The following PTPRM variants were observed in gnomAD, a reference collection of about 807,000 sequenced individuals.
The protein encoded by PTPRM is protein tyrosine phosphatase receptor type M.
In PTPRM, 47 loss-of-function variants were observed where a neutral mutation model predicts 186.7. The ratio of observed to expected loss-of-function variants is 0.25; its 90% CI spans 0.20 to 0.32. The LOEUF is 0.32. Ranked by LOEUF, PTPRM falls within the 10% of genes least tolerant of loss-of-function variation. The pLI is 1.00. For missense variants in PTPRM, 1,494 were observed against 1,865.0 expected, an observed-to-expected ratio of 0.80 and a Z score of 3.66; for synonymous variants, 668 against 674.9, an observed-to-expected ratio of 0.99 and a Z score of 0.16.
chr18:8,303,982 T>C (rs2095190803), intron 20 of PTPRM, among the ~76,000 whole-genome samples: 2 of 152,152 alleles, frequency 1.3e-5, no homozygotes, highest in African/African-American at 2.4e-5. Context: ...TTTGCAGAAA[T>C]CAATTGTAAT....
chr18:7,994,471 C>T (rs960603346), intron 7 of PTPRM, among the ~76,000 whole-genome samples: 1 of 152,064 alleles, frequency 6.6e-6, no homozygotes, highest in Non-Finnish European at 1.5e-5. Flanking sequence ...CCCTACAGAC[C>T]ACATGGACCT....
chr18:8,244,284 C>CAAAA lies in PTPRM; in HGVS notation c.2452+85_2452+88dup, dbSNP rs71896963. 1,440 of 1,087,444 alleles carry CAAAA rather than the reference C, an allele frequency of 1.3e-3. 1 individual carries two copies. The highest frequency in any genetic ancestry group is 7.8e-3 in the African/African-American group (457 of 58,724). The allele number at this position is 1,087,444 out of a possible 1,614,324, so 67.4% of individuals were successfully genotyped here. The stretch of plus-strand genomic sequence containing the variant: ...GATTCCAGGTGGTACTAGGGGATTT[C>CAAAA]AAAAAAAAAAAAAGCTTCCTGAAGA... On this transcript the variant is annotated intron_variant, in intron 15 of 32. Coordinates refer to ENST00000580170, the MANE Select transcript of PTPRM (RefSeq NM_001105244.2).
intron 7 of PTPRM, among the ~76,000 whole-genome samples, chr18:7,992,138 T>TAA (rs1568146374): frequency 6.6e-6 from 1 of 152,108 alleles, no homozygotes; most frequent in Non-Finnish European, 1.5e-5. Flanking sequence ...GAGGGAGTTA[T>TAA]TATAACCTCA....
rs571177227 is a variant in PTPRM, at chr18:8,348,756, A to T, written c.3054+5236A>T. On this transcript the variant is annotated intron_variant, in intron 23 of 32. Transcript: ENST00000580170. The stretch of plus-strand genomic sequence containing the variant: ...CTTTTTACACCGGTAATTTAAGCTA[A>T]TTATTTCTAAACATATTTAGTCAGT... Among the ~76,000 whole-genome samples the T allele has an allele frequency of 1.1e-3, 160 of 152,326 alleles. 1 individual carries two copies. The Middle Eastern group carries it at 0.017, about 16-fold the overall frequency.
chr18:7,820,907 C>G (rs1452560748), intron 2 of PTPRM, among the ~76,000 whole-genome samples: 3 of 152,150 alleles, frequency 2.0e-5, no homozygotes, highest in Non-Finnish European at 2.9e-5. Flanking sequence ...AGCAGCAGGT[C>G]AAGGTCTACA....
chr18:8,231,207 C>A (rs571886241), intron 14 of PTPRM, among the ~76,000 whole-genome samples: 1 of 152,222 alleles, frequency 6.6e-6, no homozygotes, highest in Non-Finnish European at 1.5e-5. Context: ...ATGGCAGGGT[C>A]TATCACAGAG....
At chr18:7,913,577 A>G (rs968621870) in intron 4 of PTPRM, among the ~76,000 whole-genome samples, 20 of 152,248 alleles carry the variant, frequency 1.3e-4, no homozygotes, top group African/African-American at 4.8e-4. Context: ...CTATCAGATT[A>G]TTATGTGGTT....
At chr18:7,879,629 A>G (rs1379668748) in intron 2 of PTPRM, among the ~76,000 whole-genome samples, 5 of 152,206 alleles carry the variant, frequency 3.3e-5, no homozygotes, top group Non-Finnish European at 7.3e-5. Context: ...GTGAATCACT[A>G]AATTGACAAT....
chr18:7,644,555 A>T (rs566039815), intron 1 of PTPRM, among the ~76,000 whole-genome samples: 1 of 152,160 alleles, frequency 6.6e-6, no homozygotes, highest in Non-Finnish European at 1.5e-5. Context: ...AGATTACTCT[A>T]TCAAGAAAAT....
chr18:8,376,325 A>C, intron 25 of PTPRM, 125 bp downstream of exon 25: 1 of 1,519,324 alleles, frequency 6.6e-7, no homozygotes, highest in East Asian at 2.3e-5. Flanking sequence ...TTTTGGGAGC[A>C]CTAAATGCCA....
At chr18:8,399,736 GAT>G (rs2095862356) in intron 32 of PTPRM, 1 of 152,214 alleles carries the variant, frequency 6.6e-6, no homozygotes, top group South Asian at 2.1e-4. Context: ...CAAGCCTGCT[GAT>G]GTTCAACCAC....
At chr18:8,045,414 A>G (rs933458247) in intron 7 of PTPRM, among the ~76,000 whole-genome samples, 1 of 152,218 alleles carries the variant, frequency 6.6e-6, no homozygotes. Flanking sequence ...GAAACAACAT[A>G]TAGTTCTCAT....
intron 7 of PTPRM, among the ~76,000 whole-genome samples, chr18:8,031,453 A>C (rs907265129): frequency 2.0e-5 from 3 of 152,232 alleles, no homozygotes; most frequent in African/African-American, 7.2e-5. Context: ...TAATTCCGTC[A>C]GATGCAGTAT....
Position 7,684,719 on chromosome 18 carries a change from G to A in PTPRM, c.74-89430G>A, listed in dbSNP as rs76099311. ...GAATAATAATACATTGTATGTATAT[G>A]ACACAGTTTCTTTATCCATTAATCT... On this transcript the variant is annotated intron_variant, in intron 1 of 32. Coordinates refer to ENST00000580170, the MANE Select transcript of PTPRM (RefSeq NM_001105244.2). Among the ~76,000 whole-genome samples, 944 of 152,262 alleles carry A rather than the reference G, an allele frequency of 6.2e-3. 14 individuals carry two copies. The highest frequency in any genetic ancestry group is 0.022 in the African/African-American group (915 of 41,550).
chr18:8,262,528 G>A (rs748545055), intron 19 of PTPRM, among the ~76,000 whole-genome samples: 7 of 152,134 alleles, frequency 4.6e-5, no homozygotes, highest in Non-Finnish European at 7.4e-5. Context: ...CAGGGCTCAT[G>A]CTGCAGGTTG....
At chr18:8,151,224 G>T (rs1009569620) in intron 14 of PTPRM, among the ~76,000 whole-genome samples, 62 of 152,168 alleles carry the variant, frequency 4.1e-4, no homozygotes, top group African/African-American at 1.5e-3. Flanking sequence ...CTGAAGCTGC[G>T]CCCACAGCTG....
At chr18:7,726,918 G>A (rs1274418703) in intron 1 of PTPRM, among the ~76,000 whole-genome samples, 1 of 152,150 alleles carries the variant, frequency 6.6e-6, no homozygotes, top group Non-Finnish European at 1.5e-5. Context: ...GTGCGTAAGT[G>A]AAAAATAGAG....
chr18:8,260,103 G>A (rs1019862413), intron 19 of PTPRM, among the ~76,000 whole-genome samples: 1 of 152,118 alleles, frequency 6.6e-6, no homozygotes, highest in Non-Finnish European at 1.5e-5. Context: ...TTCTGGTGAG[G>A]GCCATGTGCT....
rs974252140 is a variant in PTPRM at position 8,094,366 on chromosome 18, C to CA, written c.1856+5527dup. Among the ~76,000 whole-genome samples the CA allele has an allele frequency of 9.7e-3, 1,295 of 133,596 alleles. 11 individuals are homozygous for CA. The highest frequency in any genetic ancestry group is 0.035 in the South Asian group (145 of 4,168). The allele number at this position is 133,596 out of a possible 152,430, so 87.6% of individuals were successfully genotyped here. A position where few individuals can be genotyped will look rare whatever the true frequency, so the allele number is the denominator to read the frequency against. On this transcript the variant is annotated intron_variant, in intron 11 of 32. Transcript: ENST00000580170. ...TGGGCAGCTGAGCCAGACCCTGTCTCAAAAAAAAAAAAGATATAAATGTTT... is the reference window on the plus strand; with the variant it reads ...TGGGCAGCTGAGCCAGACCCTGTCTCAAAAAAAAAAAAAGATATAAATGTTT...
Sources: gnomAD v4.1 joint callset for allele counts (sites outside exome capture counted in the v4.1 genomes callset) on GRCh38, gnomAD v4.1.1 for gene constraint, MANE v1.5 for transcripts, NCBI Gene and HGNC (gene_info 2026-07-23, HGNC 2026-07-21) for gene names.